Variants in DNAH14 observed in about 807,000 individuals in gnomAD.
DNAH14 encodes axonemal beta dynein heavy chain 14.
DNAH14 carries 478 observed loss-of-function variants against 520.9 expected under a neutral mutation model. The ratio of observed to expected loss-of-function variants is 0.92; its 90% CI spans 0.85 to 0.99. DNAH14 has a LOEUF of 0.99. Ranked by LOEUF, DNAH14 falls within the 50% of genes least tolerant of loss-of-function variation. The pLI is 0.00. For missense variants in DNAH14, 4,831 were observed against 5,234.5 expected (o/e 0.92, Z 2.38); for synonymous variants, 1,581 against 1,757.2 (o/e 0.90, Z 2.51).
chr1:225,335,868 TACAC>T (rs1282448508), intron 66 of DNAH14, among the ~76,000 whole-genome samples: 13 of 78,396 alleles, frequency 1.7e-4, no homozygotes, highest in South Asian at 1.1e-3. Context: ...TATATGTACA[TACAC>T]ATATACATAT....
At chr1:225,067,955 G>C (rs1411289780) in intron 17 of DNAH14, among the ~76,000 whole-genome samples, 1 of 152,028 alleles carries the variant, frequency 6.6e-6, no homozygotes, top group Admixed American at 6.6e-5. Context: ...AGTTTAATTA[G>C]ATTCCATTTG....
intron 38 of DNAH14, among the ~76,000 whole-genome samples, chr1:225,193,172 G>C (rs2085673363): frequency 6.6e-6 from 1 of 152,076 alleles, no homozygotes; most frequent in Admixed American, 6.6e-5. Flanking sequence ...AATTAAGTTT[G>C]AATGGAAAAT....
chr1:225,037,705 G>A lies in DNAH14; in HGVS notation c.1359-989G>A, dbSNP rs183166630. Among the ~76,000 whole-genome samples, 457 of 151,944 alleles carry A rather than the reference G, an allele frequency of 3.0e-3. 2 individuals are homozygous for A. Among genetic ancestry groups the A allele is most frequent in the African/African-American group, 0.01 (422 of 41,460 alleles). ...TCTGTGTTTGTTTGTTTTCTGAGAC[G>A]GAGTTTCACTCTTATTGCCCAGGCT... On this transcript the variant is annotated intron_variant, in intron 11 of 85. Coordinates refer to ENST00000682510, the MANE Select transcript of DNAH14 (RefSeq NM_001367479.1).
At chr1:225,215,844 T>G (rs1238695673) in intron 41 of DNAH14, among the ~76,000 whole-genome samples, 1 of 152,206 alleles carries the variant, frequency 6.6e-6, no homozygotes, top group Non-Finnish European at 1.5e-5. Flanking sequence ...CTTGACTCTT[T>G]ATCCAATTTG....
At position 225,123,830 on chromosome 1, in the gene DNAH14, G is replaced by T. The variant is rs552847951; in HGVS notation, c.4254+216G>T. On this transcript the variant is annotated intron_variant, in intron 27 of 85. Transcript: ENST00000682510. ...TGCAGTGGTACAATCTCAGCTCACT[G>T]CAGCCTCCGCCTCCCAGGTTCAAGT... Among the ~76,000 whole-genome samples, 6 of 151,944 alleles carry T rather than the reference G, an allele frequency of 3.9e-5. No homozygotes were observed. In the East Asian group the frequency reaches 9.7e-4, roughly 25 times the overall value.
chr1:225,042,032 T>C (rs939466536), intron 12 of DNAH14, among the ~76,000 whole-genome samples: 1 of 152,224 alleles, frequency 6.6e-6, no homozygotes, highest in Admixed American at 6.5e-5. Flanking sequence ...TACCCATTTG[T>C]GTGAACATTT....
chr1:224,974,209 T>G (rs2061667325), intron 8 of DNAH14, 56 bp downstream of exon 8: 3 of 1,151,654 alleles, frequency 2.6e-6, no homozygotes, highest in African/African-American at 1.6e-5. Context: ...ATGTTTTACA[T>G]GTACTATGGA....
At chr1:225,259,504 A>G (rs1294537816) in intron 46 of DNAH14, among the ~76,000 whole-genome samples, 1 of 152,180 alleles carries the variant, frequency 6.6e-6, no homozygotes, top group Non-Finnish European at 1.5e-5. Context: ...GTATATACAT[A>G]TTGAGGAATG....
chr1:225,075,771 C>A (rs1421306940), intron 17 of DNAH14, among the ~76,000 whole-genome samples: 1 of 152,156 alleles, frequency 6.6e-6, no homozygotes, highest in Non-Finnish European at 1.5e-5. Context: ...TTATTTTGTT[C>A]CTTTGGTGAT....
intron 69 of DNAH14, among the ~76,000 whole-genome samples, chr1:225,341,160 A>G (rs577878580): frequency 2.0e-5 from 3 of 151,998 alleles, no homozygotes; most frequent in African/African-American, 7.2e-5. Context: ...TCTGGAGTGC[A>G]GTGGCGCAAT....
At chr1:225,116,742 G>A (rs970761830) in intron 23 of DNAH14, among the ~76,000 whole-genome samples, 5 of 152,176 alleles carry the variant, frequency 3.3e-5, no homozygotes, top group South Asian at 2.1e-4. Flanking sequence ...ATAATAAGAC[G>A]TAGCTTAGGG....
intron 42 of DNAH14, among the ~76,000 whole-genome samples, chr1:225,233,831 G>A (rs751146591): frequency 1.3e-5 from 2 of 151,914 alleles, no homozygotes; most frequent in African/African-American, 2.4e-5. Flanking sequence ...TTGCAATTGC[G>A]TTTCAAATTT....
rs115122149 is a variant in DNAH14 at position 225,303,096 on chromosome 1, T to A, written c.8632-60T>A. 1.1e-3 allele frequency: 1,369 copies of A among 1,190,520 alleles called. 14 individuals carry two copies. In the African/African-American group the frequency reaches 0.019, roughly 16 times the overall value. The allele number at this position is 1,190,520 out of a possible 1,614,324, so 73.7% of individuals were successfully genotyped here. On this transcript the variant is annotated intron_variant, in intron 56 of 85. Transcript: ENST00000682510. ...TATGTTTTCCATGGAATTTTTAATA[T>A]AATATTTTTTCAAAACAGTGGATTA...
chr1:225,014,593 A>C (rs2065061863), intron 10 of DNAH14, among the ~76,000 whole-genome samples: 1 of 152,076 alleles, frequency 6.6e-6, no homozygotes, highest in Non-Finnish European at 1.5e-5. Context: ...TTTAATTTTC[A>C]TGTATTTGTA....
At chr1:225,045,400 G>A (rs1447998247) in intron 15 of DNAH14, among the ~76,000 whole-genome samples, 1 of 151,860 alleles carries the variant, frequency 6.6e-6, no homozygotes, top group Non-Finnish European at 1.5e-5. Flanking sequence ...TAGTATAATA[G>A]TATTAATGAA....
chr1:225,186,123 G>T (rs2084696963), intron 37 of DNAH14, among the ~76,000 whole-genome samples: 1 of 151,480 alleles, frequency 6.6e-6, no homozygotes, highest in Non-Finnish European at 1.5e-5. Context: ...TATAAAGTCA[G>T]ACTCCACTAA....
At chr1:225,214,443 C>T (rs939707067) in intron 41 of DNAH14, among the ~76,000 whole-genome samples, 2 of 152,150 alleles carry the variant, frequency 1.3e-5, no homozygotes, top group Admixed American at 6.5e-5. Context: ...AGGGAGGATT[C>T]CCTCTTTTTC....
chr1:224,940,331 G>T (rs1190788449), intron 1 of DNAH14, among the ~76,000 whole-genome samples: 1 of 152,152 alleles, frequency 6.6e-6, no homozygotes, highest in Non-Finnish European at 1.5e-5. Flanking sequence ...ACTAAGACCA[G>T]CCCAGATTTA....
chr1:224,967,890 T>A, intron 6 of DNAH14: 1 of 1,256,132 alleles, frequency 8.0e-7, no homozygotes. Flanking sequence ...TAATGGGAAC[T>A]ATAATAATAA....
Sources: allele counts gnomAD v4.1 joint callset (sites outside exome capture counted in the v4.1 genomes callset), GRCh38; gene constraint gnomAD v4.1.1; transcripts MANE v1.5; gene names NCBI Gene and HGNC (gene_info 2026-07-23, HGNC 2026-07-21).